The following LRRC3C variants were observed in gnomAD, a reference collection of about 807,000 sequenced individuals.
LRRC3C encodes leucine-rich repeat-containing protein 3C.
A neutral mutation model predicts 14.8 loss-of-function variants in LRRC3C; 11 were observed. The observed-to-expected ratio is 0.74, with a 90% CI of 0.47 to 1.23. The LOEUF (loss-of-function observed/expected upper bound fraction) is 1.23. Among genes scored for constraint, LRRC3C ranks in the 50% most tolerant of loss-of-function variants. The probability of loss-of-function intolerance (pLI) is 0.00; values close to 1 mark genes in which losing one functional copy is unlikely to be tolerated. For missense variants in LRRC3C, 354 were observed against 361.8 expected, an observed-to-expected ratio of 0.98 and a Z score of 0.18; for synonymous variants, 149 against 161.5, an observed-to-expected ratio of 0.92 and a Z score of 0.59.
chr17:39,943,970 A>G lies in LRRC3C; in HGVS notation c.64A>G (p.Met22Val), dbSNP rs1044978603. The change falls in exon 4 of 4, where the codon ATG becomes GTG. Residue 22 changes from methionine (M) to valine (V), a missense_variant. By Grantham distance (21) the Met-to-Val change is conservative. Coordinates refer to ENST00000377924, the MANE Select transcript of LRRC3C (RefSeq NM_001195545.2). ...CTPGLCQFMA[M>V]LPTAGHLLPL... The stretch of plus-strand genomic sequence containing the variant: ...TCCAGGACTATGCCAATTTATGGCC[A>G]TGCTCCCAACAGCAGGTCACCTCCT... The G allele has an allele frequency of 6.5e-7, 1 of 1,535,982 alleles. No individual in the cohort carries two copies. The highest frequency in any genetic ancestry group is 1.4e-5 in the African/African-American group (1 of 73,012).
At chr17:39,943,590 T>C (rs1978993982) in intron 3 of LRRC3C, among the ~76,000 whole-genome samples, 1 of 152,058 alleles carries the variant, frequency 6.6e-6, no homozygotes, top group African/African-American at 2.4e-5. Context: ...GAAGACTTTA[T>C]TCCAATGAGA....
rs1330022436 is a variant in LRRC3C at position 39,944,048 on chromosome 17, C to G, written c.142C>G (p.Pro48Ala). ...TGGTVPSPQV[P>A]PRGCYVAKEA... ...GGGTACTGTGCCCAGCCCCCAGGTG[C>G]CTCCCCGGGGCTGTTATGTGGCAAA... Residue 48 changes from proline to alanine, a missense_variant, in exon 4 of 4, where the codon CCT becomes GCT. By Grantham distance (27) the Pro-to-Ala change is conservative. Coordinates refer to ENST00000377924, the MANE Select transcript of LRRC3C (RefSeq NM_001195545.2). 1 of 1,536,086 alleles carries G rather than the reference C, an allele frequency of 6.5e-7. No homozygotes were observed. Among genetic ancestry groups the G allele is most frequent in the Non-Finnish European group, 8.7e-7 (1 of 1,146,870 alleles).
Position 39,944,827 on chromosome 17 carries a change from C to T in LRRC3C, c.*93C>T, listed in dbSNP as rs1979047864. On this transcript the variant is annotated 3_prime_UTR_variant, in exon 4 of 4. Transcript: ENST00000377924. The stretch of plus-strand genomic sequence containing the variant: ...CCCTCTGCCTCCTGTGCAGCTTCAC[C>T]CCTGCCCCCAAGCCCATCCCACCCC... The T allele has an allele frequency of 8.4e-7, 1 of 1,183,734 alleles. No homozygotes were observed. The highest frequency in any genetic ancestry group is 2.6e-5 in the East Asian group (1 of 38,692). The allele number at this position is 1,183,734 out of a possible 1,614,324, so 73.3% of individuals were successfully genotyped here.
chr17:39,931,316 C>T (rs1201083895), intron 1 of LRRC3C, among the ~76,000 whole-genome samples: 1 of 147,304 alleles, frequency 6.8e-6, no homozygotes, highest in African/African-American at 2.5e-5. Flanking sequence ...CATGGTGGCA[C>T]GTGCCTGTAA....
At position 39,944,306 on chromosome 17, in the gene LRRC3C, G is replaced by A. The variant is rs1205194420; in HGVS notation, c.400G>A (p.Asp134Asn). ...QGLEGTLRHL[D>N]LSANQLASVP... ...CCTGGAGGGCACATTGCGCCACCTC[G>A]ACCTCTCTGCCAACCAGCTGGCCTC... Residue 134 changes from aspartate (D) to asparagine (N), a missense_variant, in exon 4 of 4, where the codon GAC becomes AAC. Transcript: ENST00000377924. 2.0e-5 allele frequency: 31 copies of A among 1,535,550 alleles called. No individual in the cohort carries two copies. Among genetic ancestry groups the A allele is most frequent in the Non-Finnish European group, 2.5e-5 (29 of 1,146,716 alleles).
Position 39,944,606 on chromosome 17 carries a change from A to ACACT in LRRC3C, c.703_706dup (p.Met236ThrfsTer16). 1 of 1,535,654 alleles carries ACACT rather than the reference A, an allele frequency of 6.5e-7. No individual in the cohort carries two copies. Among genetic ancestry groups the ACACT allele is most frequent in the South Asian group, 1.2e-5 (1 of 84,046 alleles). ...GCTGGTCACCATGGGGGGCTGGCTG[A>ACACT]CACTCATGGTGGCTTATCTGGTGCA... On this transcript the variant is annotated frameshift_variant, in exon 4 of 4. Transcript: ENST00000377924. LOFTEE classifies it high-confidence loss of function.
At position 39,944,025 on chromosome 17, in the gene LRRC3C, G is replaced by A. The variant is rs763179107; in HGVS notation, c.119G>A (p.Gly40Asp). The change falls in exon 4 of 4, where the codon GGT becomes GAT. Residue 40 changes from glycine to aspartate, a missense_variant. By Grantham distance (94) the Gly-to-Asp change is moderately conservative. Coordinates refer to ENST00000377924, the MANE Select transcript of LRRC3C (RefSeq NM_001195545.2). ...CTCCTGCTGGTGATAGGCACAGGGG[G>A]TACTGTGCCCAGCCCCCAGGTGCCT... ...LPLLLVIGTG[G>D]TVPSPQVPPR... is the part of the protein sequence containing the mutation. The A allele has an allele frequency of 6.3e-5, 96 of 1,535,914 alleles. 1 individual carries two copies. In the Middle Eastern group the frequency reaches 1.7e-3, roughly 27 times the overall value.
At chr17:39,933,356 T>A (rs1468314728) in intron 1 of LRRC3C, among the ~76,000 whole-genome samples, 3 of 152,032 alleles carry the variant, frequency 2.0e-5, no homozygotes, top group Non-Finnish European at 4.4e-5. Flanking sequence ...CACCGTCTTG[T>A]GGGCTGAGAT....
chr17:39,941,317 C>T (rs1182585572), intron 2 of LRRC3C, among the ~76,000 whole-genome samples, 126 bp from the exon 3 acceptor site: 2 of 145,062 alleles, frequency 1.4e-5, no homozygotes, highest in African/African-American at 5.1e-5. Context: ...TGGCACTGCA[C>T]TCCAGCCTGG....
chr17:39,935,396 C>G (rs1333824747), intron 1 of LRRC3C, among the ~76,000 whole-genome samples: 3 of 152,124 alleles, frequency 2.0e-5, no homozygotes, highest in Non-Finnish European at 4.4e-5. Flanking sequence ...CAAGCCTTCC[C>G]TTAGGTGATC....
intron 2 of LRRC3C, chr17:39,939,745 C>G (rs983259111): frequency 1.3e-5 from 2 of 152,364 alleles, no homozygotes; most frequent in Admixed American, 6.5e-5. Flanking sequence ...TGTGCACTGT[C>G]CTAAGTGTGG....
At position 39,944,448 on chromosome 17, in the gene LRRC3C, C is replaced by G; in HGVS notation, c.542C>G (p.Thr181Ser). Residue 181 changes from threonine (T) to serine (S), a missense_variant, in exon 4 of 4, where the codon ACT (threonine) becomes AGT (serine). Physicochemically the swap from Thr to Ser is moderately conservative, Grantham distance 58 (BLOSUM62 1). Transcript: ENST00000377924. ...VLRQVRLVPG[T>S]GTGIVCGSGA... Reference sequence around the variant, plus strand: ...CGGCAGGTGAGGCTGGTGCCGGGCACTGGGACAGGCATCGTGTGTGGCTCA... The same window carrying G: ...CGGCAGGTGAGGCTGGTGCCGGGCAGTGGGACAGGCATCGTGTGTGGCTCA... The G allele has an allele frequency of 3.4e-6, 5 of 1,487,352 alleles. No individual in the cohort carries two copies. Among genetic ancestry groups the G allele is most frequent in the East Asian group, 2.5e-5 (1 of 40,474 alleles). 92.1% of individuals were successfully genotyped at this position (1,487,352 alleles called of 1,614,324 possible). A position where few individuals can be genotyped will look rare whatever the true frequency, so the allele number is the denominator to read the frequency against.
rs911786546 is a variant in LRRC3C at position 39,944,676 on chromosome 17, G to C, written c.770G>C (p.Arg257Pro). ...GATGAGACCAGGCGCTCCCTCAAGC[G>C]GGCCCCAGTGCTGCCCGTGCGTTCC... ...NRDETRRSLK[R>P]APVLPVRSED... Residue 257 changes from arginine to proline, a missense_variant, in exon 4 of 4, where the codon CGG becomes CCG. Arg to Pro is a moderately radical substitution (Grantham distance 103). Transcript: ENST00000377924. 6.5e-7 allele frequency: 1 copy of C among 1,535,850 alleles called. No individual in the cohort carries two copies. Among genetic ancestry groups the C allele is most frequent in the East Asian group, 2.4e-5 (1 of 40,908 alleles).
At chr17:39,934,481 A>T (rs1978742851) in intron 1 of LRRC3C, 1 of 152,104 alleles carries the variant, frequency 6.6e-6, no homozygotes, top group Non-Finnish European at 1.5e-5. Context: ...CCTCAGTAAC[A>T]ATCACAGCAA....
chr17:39,942,051 C>T (rs1978955403), intron 3 of LRRC3C, among the ~76,000 whole-genome samples: 2 of 152,192 alleles, frequency 1.3e-5, no homozygotes, highest in South Asian at 4.1e-4. Flanking sequence ...TGGATCACAT[C>T]TATGACCCTT....
rs140759513 is a variant in LRRC3C, at chr17:39,935,838, G to T, written c.-138G>T. 1 of 985,392 alleles carries T rather than the reference G, an allele frequency of 1.0e-6. No homozygotes were observed. The highest frequency in any genetic ancestry group is 1.2e-6 in the Non-Finnish European group (1 of 829,936). 61.0% of individuals were successfully genotyped at this position (985,392 alleles called of 1,614,324 possible). A position where few individuals can be genotyped will look rare whatever the true frequency, so the allele number is the denominator to read the frequency against. On this transcript the variant is annotated 5_prime_UTR_variant, in exon 2 of 4. Transcript: ENST00000377924. ...AGCAGAGGCCTTTGTTGCCCTCTCCGCGAAACTGCCCAGTAACCTGGCATT... is the reference window on the plus strand; with the variant it reads ...AGCAGAGGCCTTTGTTGCCCTCTCCTCGAAACTGCCCAGTAACCTGGCATT...
chr17:39,938,797 C>G (rs1364155702), intron 2 of LRRC3C, among the ~76,000 whole-genome samples: 1 of 152,080 alleles, frequency 6.6e-6, no homozygotes, highest in East Asian at 1.9e-4. Flanking sequence ...ACCAGCCTGG[C>G]CAACATGGCG....
intron 3 of LRRC3C, 97 bp downstream of exon 3, chr17:39,941,646 C>A: frequency 9.2e-7 from 1 of 1,090,310 alleles, no homozygotes; most frequent in Non-Finnish European, 1.3e-6. Flanking sequence ...CCGTACAATA[C>A]AATACCGTGG....
intron 1 of LRRC3C, 39 bp downstream of exon 1, chr17:39,927,853 A>C: frequency 1.0e-6 from 1 of 985,614 alleles, no homozygotes; most frequent in Non-Finnish European, 1.2e-6. Context: ...GTGCCCTTCA[A>C]GTGTATTTTA....
Sources: allele counts gnomAD v4.1 joint callset (sites outside exome capture counted in the v4.1 genomes callset), GRCh38; gene constraint gnomAD v4.1.1; transcripts MANE v1.5; gene names NCBI Gene and HGNC (gene_info 2026-07-23, HGNC 2026-07-21).